PCDHA9: variants seen among roughly 807,000 people sequenced by gnomAD.
PCDHA9 encodes protocadherin alpha-9.
Under a neutral mutation model 62.0 loss-of-function variants are expected in PCDHA9, and 62 were observed. That is an observed-to-expected ratio of 1.00 (90% CI 0.81 to 1.23). The LOEUF (loss-of-function observed/expected upper bound fraction) is 1.23. Ranked by LOEUF, PCDHA9 falls within the 50% of genes most tolerant of loss-of-function variation. The pLI is 0.00. For synonymous variants in PCDHA9, 557 were observed against 567.6 expected (o/e 0.98, Z 0.27); for missense variants, 1,205 against 1,249.8 (o/e 0.96, Z 0.54).
At position 140,856,169 on chromosome 5, in the gene PCDHA9, G is replaced by T. The variant is rs200441286; in HGVS notation, c.2394+5280G>T. ...CTCAGTCTACGAGGAGGCCAGACACGGCACCTTCGTGGGCCGCATCGCGCA... is the reference window on the plus strand; with the variant it reads ...CTCAGTCTACGAGGAGGCCAGACACTGCACCTTCGTGGGCCGCATCGCGCA... On this transcript the variant is annotated intron_variant, in intron 1 of 3. Transcript: ENST00000532602. 11 of 1,598,346 alleles carry T rather than the reference G, an allele frequency of 6.9e-6. 2 individuals are homozygous for T. Among genetic ancestry groups the T allele is most frequent in the Admixed American group, 1.7e-5 (1 of 59,282 alleles).
chr5:140,885,371 C>T (rs2153409645), intron 1 of PCDHA9, among the ~76,000 whole-genome samples: 1 of 152,182 alleles, frequency 6.6e-6, no homozygotes, highest in East Asian at 1.9e-4. Flanking sequence ...CTGAAAGTAC[C>T]TTTTGGCAGT....
At chr5:140,944,060 T>G in intron 1 of PCDHA9, among the ~76,000 whole-genome samples, 1 of 152,204 alleles carries the variant, frequency 6.6e-6, no homozygotes, top group Non-Finnish European at 1.5e-5. Flanking sequence ...ACAAAAAGGT[T>G]TCTTGTTAAA....
chr5:140,910,845 G>T (rs1448971238), intron 1 of PCDHA9, among the ~76,000 whole-genome samples: 1 of 152,090 alleles, frequency 6.6e-6, no homozygotes, highest in Admixed American at 6.5e-5. Flanking sequence ...CAATGCCTTG[G>T]ATCTATGTTC....
intron 3 of PCDHA9, among the ~76,000 whole-genome samples, chr5:140,985,802 C>T (rs567648207): frequency 1.1e-4 from 16 of 146,640 alleles, no homozygotes; most frequent in African/African-American, 3.3e-4. Flanking sequence ...TGCAGTGGCA[C>T]GATCTCAGCT....
rs2041112931 is a variant in PCDHA9, at chr5:140,849,764, G to C, written c.1269G>C (p.Leu423=). The part of the protein sequence containing the change: ...LDRESVSAYE[L]VVTARDGGSP... The stretch of plus-strand genomic sequence containing the variant: ...GCGAGAGTGTGTCCGCCTACGAGCT[G>C]GTGGTTACCGCGCGGGACGGGGGCT... The change falls in exon 1 of 4, where the codon CTG becomes CTC. Residue 423 remains leucine (L), a synonymous_variant. Coordinates refer to ENST00000532602, the MANE Select transcript of PCDHA9 (RefSeq NM_031857.2). 10 of 1,598,402 alleles carry C rather than the reference G, an allele frequency of 6.3e-6. No homozygotes were observed. Among genetic ancestry groups the C allele is most frequent in the Non-Finnish European group, 8.6e-6 (10 of 1,167,994 alleles).
chr5:140,866,808 G>C (rs995846650), intron 1 of PCDHA9: 1 of 152,114 alleles, frequency 6.6e-6, no homozygotes, highest in East Asian at 1.9e-4. Context: ...CAGGCACAAA[G>C]TTCCTTAATC....
At chr5:140,911,316 A>G (rs1308533373) in intron 1 of PCDHA9, among the ~76,000 whole-genome samples, 1 of 152,186 alleles carries the variant, frequency 6.6e-6, no homozygotes, top group African/African-American at 2.4e-5. Context: ...TCCAAGTTTC[A>G]GGATCCCATT....
At chr5:140,857,747 T>A in intron 1 of PCDHA9, 1 of 1,597,058 alleles carries the variant, frequency 6.3e-7, no homozygotes, top group Non-Finnish European at 8.6e-7. Flanking sequence ...GCTGCTGGCG[T>A]CTCCCGCTGG....
At chr5:141,005,470 G>A (rs1563690887) in intron 3 of PCDHA9, among the ~76,000 whole-genome samples, 1 of 151,836 alleles carries the variant, frequency 6.6e-6, no homozygotes, top group South Asian at 2.1e-4. Context: ...TTGGGAGGCC[G>A]AGACGGGCGG....
chr5:140,992,789 T>G (rs2097528439), intron 3 of PCDHA9, among the ~76,000 whole-genome samples: 1 of 152,148 alleles, frequency 6.6e-6, no homozygotes, highest in Admixed American at 6.5e-5. Flanking sequence ...AGGGTCAATT[T>G]TATGGATCCA....
Position 140,857,572 on chromosome 5 carries a change from G to T in PCDHA9, c.2394+6683G>T, listed in dbSNP as rs144978636. On this transcript the variant is annotated intron_variant, in intron 1 of 3. Coordinates refer to ENST00000532602, the MANE Select transcript of PCDHA9 (RefSeq NM_031857.2). Reference sequence around the variant, plus strand: ...AGCGCTCGCTGTCGAGCTACGTGTCGGTGCACGCGGAGAGCGGCAAGGTGT... The same window carrying T: ...AGCGCTCGCTGTCGAGCTACGTGTCTGTGCACGCGGAGAGCGGCAAGGTGT... 1.0e-5 allele frequency: 16 copies of T among 1,596,716 alleles called. 2 individuals carry two copies. The highest frequency in any genetic ancestry group is 1.4e-5 in the Non-Finnish European group (16 of 1,167,664).
chr5:140,854,725 G>GT (rs2043207581), intron 1 of PCDHA9: 1 of 149,714 alleles, frequency 6.7e-6, no homozygotes, highest in Non-Finnish European at 1.5e-5. Context: ...GAAAACTCAA[G>GT]TTTTTTTCAG....
In PCDHA9 at chr5:141,009,987, A is replaced by C. The variant is rs2154001821; in HGVS notation, c.*50A>C. The C allele has an allele frequency of 6.3e-7, 1 of 1,580,396 alleles. No individual in the cohort carries two copies. Among genetic ancestry groups the C allele is most frequent in the East Asian group, 2.2e-5 (1 of 44,670 alleles). On this transcript the variant is annotated 3_prime_UTR_variant, in exon 4 of 4. Coordinates refer to ENST00000532602, the MANE Select transcript of PCDHA9 (RefSeq NM_031857.2). The stretch of plus-strand genomic sequence containing the variant: ...TTAGCCAGTTTTTGTAATAATGGCA[A>C]ATCTCTCCCATGTAGCAATTCCCTG...
In PCDHA9 at chr5:140,883,501, C is replaced by A. The variant is rs570168326; in HGVS notation, c.2394+32612C>A. On this transcript the variant is annotated intron_variant, in intron 1 of 3. Transcript: ENST00000532602. ...ACTACTACTCATTAGTGCTGGACAGCGCCCTGGACCGCGAGAGCGTATCAG... is the reference window on the plus strand; with the variant it reads ...ACTACTACTCATTAGTGCTGGACAGAGCCCTGGACCGCGAGAGCGTATCAG... 3.7e-6 allele frequency: 6 copies of A among 1,614,194 alleles called. No homozygotes were observed. In the Admixed American group the frequency reaches 8.3e-5, roughly 22 times the overall value.
At chr5:140,918,897 C>A (rs1381764249) in intron 1 of PCDHA9, among the ~76,000 whole-genome samples, 1 of 152,196 alleles carries the variant, frequency 6.6e-6, no homozygotes, top group Admixed American at 6.5e-5. Context: ...AAAAATAAAT[C>A]TCTCTTGTTT....
At chr5:140,873,395 C>T (rs1376459228) in intron 1 of PCDHA9, among the ~76,000 whole-genome samples, 1 of 152,094 alleles carries the variant, frequency 6.6e-6, no homozygotes, top group African/African-American at 2.4e-5. Context: ...GGAATGTTTT[C>T]AGTACAGGTT....
chr5:140,961,704 C>T (rs1381981839), intron 1 of PCDHA9, among the ~76,000 whole-genome samples: 1 of 152,086 alleles, frequency 6.6e-6, no homozygotes, highest in African/African-American at 2.4e-5. Flanking sequence ...GTATGAATGC[C>T]TTCATTTCTA....
chr5:140,856,559 C>G lies in PCDHA9; in HGVS notation c.2394+5670C>G, dbSNP rs782226001. On this transcript the variant is annotated intron_variant, in intron 1 of 3. Coordinates refer to ENST00000532602, the MANE Select transcript of PCDHA9 (RefSeq NM_031857.2). ...AGAGAACGCATTGCTTACTTACAAACTCAGTCCAAATGAGTATTTTGTTCT... is the reference window on the plus strand; with the variant it reads ...AGAGAACGCATTGCTTACTTACAAAGTCAGTCCAAATGAGTATTTTGTTCT... 6 of 1,597,988 alleles carry G rather than the reference C, an allele frequency of 3.8e-6. No homozygotes were observed. In the Middle Eastern group the frequency reaches 5.0e-4, roughly 133 times the overall value.
In PCDHA9 at chr5:140,927,810, GGAGGCATACATT is replaced by G. The variant is rs782126534; in HGVS notation, c.2395-51133_2395-51122del. Reference sequence around the variant, plus strand: ...CACTAGGTCCGCCTGAAACGCTCTTGGAGGCATACATTGAGGCGAGGGACGAAGGTGTCTTTG... The same window carrying G: ...CACTAGGTCCGCCTGAAACGCTCTTGGAGGCGAGGGACGAAGGTGTCTTTG... On this transcript the variant is annotated intron_variant, in intron 1 of 3. Transcript: ENST00000532602. 3.7e-6 allele frequency: 6 copies of G among 1,614,082 alleles called. No individual in the cohort carries two copies. The South Asian group carries it at 6.6e-5, about 18-fold the overall frequency.
Sources: allele counts gnomAD v4.1 joint callset (sites outside exome capture counted in the v4.1 genomes callset), GRCh38; gene constraint gnomAD v4.1.1; transcripts MANE v1.5; gene names NCBI Gene and HGNC (gene_info 2026-07-23, HGNC 2026-07-21).